Variants in TRAPPC13 observed in about 807,000 individuals in gnomAD.
The protein encoded by TRAPPC13 is REV7-interacting novel NHEJ regulator 1.
A neutral mutation model predicts 54.0 loss-of-function variants in TRAPPC13; 39 were observed. The observed-to-expected ratio is 0.72, with a 90% CI of 0.56 to 0.94. The LOEUF (loss-of-function observed/expected upper bound fraction) is 0.94, where lower values mean the gene tolerates loss of function less well. Ranked by LOEUF, TRAPPC13 falls within the 40% of genes least tolerant of loss-of-function variation. The pLI is 0.00. For synonymous variants in TRAPPC13, 148 were observed against 167.7 expected (o/e 0.88, Z 0.91); for missense variants, 386 against 488.1 (o/e 0.79, Z 1.97).
rs1414380392 is a variant in TRAPPC13 at position 65,665,539 on chromosome 5, T to TTTAA, written c.*933_*936dup. 8 of 152,332 alleles carry TTTAA rather than the reference T, an allele frequency of 5.3e-5. No homozygotes were observed. The highest frequency in any genetic ancestry group is 3.4e-3 in the Middle Eastern group (1 of 294). 9.4% of individuals were successfully genotyped at this position (152,332 alleles called of 1,614,324 possible). On this transcript the variant is annotated 3_prime_UTR_variant, in exon 13 of 13. Coordinates refer to ENST00000399438, the MANE Select transcript of TRAPPC13 (RefSeq NM_024941.4). ...TTTACTTTTTAGGTTGTTGATTTTT[T>TTTAA]TTAATTAACTATTAACTAAGAATAA...
At position 65,664,785 on chromosome 5, in the gene TRAPPC13, T is replaced by C; in HGVS notation, c.*174T>C. The C allele has an allele frequency of 1.7e-6, 1 of 604,446 alleles. No individual in the cohort carries two copies. Among genetic ancestry groups the C allele is most frequent in the Non-Finnish European group, 2.9e-6 (1 of 345,858 alleles). 37.4% of individuals were successfully genotyped at this position (604,446 alleles called of 1,614,324 possible). The stretch of plus-strand genomic sequence containing the variant: ...GAAGAGATCTGATTTTATCTTGTAA[T>C]TTATATTTGAAATGAACATGTGTAT... On this transcript the variant is annotated 3_prime_UTR_variant, in exon 13 of 13. Coordinates refer to ENST00000399438, the MANE Select transcript of TRAPPC13 (RefSeq NM_024941.4).
rs56915791 is a variant in TRAPPC13, at chr5:65,653,134, C to CA, written c.546+601dup. Reference sequence around the variant, plus strand: ...AAAAAGAGATAAAATAGAACTTGCCCAAAAAAAAAAAAGAACTTGCCATAG... The same window carrying CA: ...AAAAAGAGATAAAATAGAACTTGCCCAAAAAAAAAAAAAGAACTTGCCATAG... On this transcript the variant is annotated intron_variant, in intron 7 of 12. Coordinates refer to ENST00000399438, the MANE Select transcript of TRAPPC13 (RefSeq NM_024941.4). Among the ~76,000 whole-genome samples, 613 of 114,240 alleles carry CA rather than the reference C, an allele frequency of 5.4e-3. 4 individuals carry two copies. Among genetic ancestry groups the CA allele is most frequent in the African/African-American group, 0.017 (526 of 31,682 alleles). 74.9% of individuals were successfully genotyped at this position (114,240 alleles called of 152,430 possible).
chr5:65,659,152 TTTG>T (rs1362505959), intron 9 of TRAPPC13, among the ~76,000 whole-genome samples: 2 of 152,184 alleles, frequency 1.3e-5, no homozygotes, highest in Non-Finnish European at 2.9e-5. Context: ...TGGTTTTTGG[TTTG>T]TTTTGTTTTA....
At chr5:65,651,091 T>C (rs575446078) in intron 6 of TRAPPC13, among the ~76,000 whole-genome samples, 1 of 152,324 alleles carries the variant, frequency 6.6e-6, no homozygotes, top group South Asian at 2.1e-4. Flanking sequence ...CATGTTTTTG[T>C]AATGAAACTT....
Position 65,665,687 on chromosome 5 carries a change from A to G in TRAPPC13, c.*1076A>G, listed in dbSNP as rs371368873. 6.6e-6 allele frequency: 1 copy of G among 152,176 alleles called. No homozygotes were observed. The highest frequency in any genetic ancestry group is 1.9e-4 in the East Asian group (1 of 5,200). The allele number at this position is 152,176 out of a possible 1,614,324, so 9.4% of individuals were successfully genotyped here. On this transcript the variant is annotated 3_prime_UTR_variant, in exon 13 of 13. Transcript: ENST00000399438. Reference sequence around the variant, plus strand: ...CTGATATGATTTTAAACTCTAAATCATGTGTTACTGTTACAAAACTTTCTC... The same window carrying G: ...CTGATATGATTTTAAACTCTAAATCGTGTGTTACTGTTACAAAACTTTCTC...
At chr5:65,663,650 C>T (rs1756917014) in intron 11 of TRAPPC13, 1 of 152,140 alleles carries the variant, frequency 6.6e-6, no homozygotes, top group African/African-American at 2.4e-5. Flanking sequence ...GAACAATGTG[C>T]ATACTTTCAT....
intron 5 of TRAPPC13, among the ~76,000 whole-genome samples, chr5:65,650,032 AT>A (rs773348697): frequency 6.8e-6 from 1 of 147,532 alleles, no homozygotes; most frequent in African/African-American, 2.5e-5. Flanking sequence ...GATTTTTTGT[AT>A]TTTTTTAGTA....
At chr5:65,661,866 TC>T (rs1756862478) in intron 10 of TRAPPC13, 183 bp from the exon 11 acceptor site, 3 of 485,104 alleles carry the variant, frequency 6.2e-6, no homozygotes, top group Non-Finnish European at 1.1e-5. Context: ...GCCAGGCTAT[TC>T]CACAGGCAGT....
chr5:65,644,031 T>G (rs1756087848), intron 4 of TRAPPC13, among the ~76,000 whole-genome samples: 1 of 152,224 alleles, frequency 6.6e-6, no homozygotes, highest in Non-Finnish European at 1.5e-5. Context: ...TAAAATCTTC[T>G]GTTTACATTT....
At chr5:65,656,859 T>C (rs1049195134) in intron 8 of TRAPPC13, among the ~76,000 whole-genome samples, 2 of 152,054 alleles carry the variant, frequency 1.3e-5, no homozygotes, top group African/African-American at 4.8e-5. Context: ...TGAGCTGAGA[T>C]CGCACCACTG....
chr5:65,654,460 A>T (rs1431735635), intron 7 of TRAPPC13, among the ~76,000 whole-genome samples: 4 of 152,200 alleles, frequency 2.6e-5, no homozygotes, highest in Non-Finnish European at 5.9e-5. Context: ...AAAAATCAGG[A>T]GTGAACAAAT....
At chr5:65,629,563 C>A (rs1392979503) in intron 1 of TRAPPC13, 1 of 1,495,110 alleles carries the variant, frequency 6.7e-7, no homozygotes, top group Non-Finnish European at 8.9e-7. Context: ...TTTCTCATCA[C>A]TAAGAGTAAC....
Position 65,660,753 on chromosome 5 carries a change from C to G in TRAPPC13, c.753C>G (p.Tyr251Ter), listed in dbSNP as rs1756820528. The G allele has an allele frequency of 6.2e-7, 1 of 1,613,504 alleles. No homozygotes were observed. The highest frequency in any genetic ancestry group is 8.5e-7 in the Non-Finnish European group (1 of 1,179,696). ...AYLQPMDTRQYLYCLKPKNEF... is the reference protein window; with the variant it reads ...AYLQPMDTRQ ...TGCAACCAATGGATACACGCCAGTA[C>G]TTATACTGCCTAAAGCCAAAGAATG... Residue 251 changes from tyrosine to a stop codon, truncating the protein, a stop_gained, in exon 10 of 13, where the codon TAC becomes TAG. Transcript: ENST00000399438. LOFTEE classifies it high-confidence loss of function.
At chr5:65,661,888 G>T in intron 10 of TRAPPC13, 162 bp from the exon 11 acceptor site, 1 of 512,356 alleles carries the variant, frequency 2.0e-6, no homozygotes, top group Non-Finnish European at 3.4e-6. Context: ...AGCTGCAAAA[G>T]AATTTAAAAT....
At chr5:65,631,527 A>T (rs76721006) in intron 1 of TRAPPC13, among the ~76,000 whole-genome samples, 4,997 of 152,104 alleles carry the variant, frequency 0.033, 275 homozygotes, top group African/African-American at 0.11. Context: ...ACCCCCTGCC[A>T]CCTTCTACCC....
chr5:65,653,557 G>A (rs1756550877), intron 7 of TRAPPC13, among the ~76,000 whole-genome samples: 2 of 152,148 alleles, frequency 1.3e-5, no homozygotes, highest in South Asian at 4.1e-4. Flanking sequence ...GGAATATAGT[G>A]AGAATGATAC....
In TRAPPC13 at chr5:65,625,112, C is replaced by G. The variant is rs754622168; in HGVS notation, c.46+6C>G. On this transcript the variant is annotated splice_donor_region_variant and intron_variant, in intron 1 of 12. Transcript: ENST00000399438. ...GCACCTGCTGGCGCTAAAAGGTAAACTTTTGCGAACCTGATTCCCCCTTTT... is the reference window on the plus strand; with the variant it reads ...GCACCTGCTGGCGCTAAAAGGTAAAGTTTTGCGAACCTGATTCCCCCTTTT... 1.2e-6 allele frequency: 2 copies of G among 1,612,236 alleles called. No individual in the cohort carries two copies. Among genetic ancestry groups the G allele is most frequent in the South Asian group, 1.1e-5 (1 of 91,050 alleles).
chr5:65,652,844 A>G (rs1459799784), intron 7 of TRAPPC13: 63 of 380,466 alleles, frequency 1.7e-4, no homozygotes, highest in South Asian at 1.4e-3. Flanking sequence ...TACACTAGCA[A>G]TCTGTTGAAT....
chr5:65,656,716 GC>G (rs1756664878), intron 8 of TRAPPC13, among the ~76,000 whole-genome samples: 1 of 151,902 alleles, frequency 6.6e-6, no homozygotes, highest in African/African-American at 2.4e-5. Context: ...GACCAGCCTG[GC>G]CAACATGGTG....
Sources: gnomAD v4.1 joint callset for allele counts (sites outside exome capture counted in the v4.1 genomes callset) on GRCh38, gnomAD v4.1.1 for gene constraint, MANE v1.5 for transcripts, NCBI Gene and HGNC (gene_info 2026-07-23, HGNC 2026-07-21) for gene names.